The following KCNQ1 variants were observed in gnomAD, a reference collection of about 807,000 sequenced individuals.
KCNQ1 encodes potassium voltage-gated channel subfamily Q member 1.
A neutral mutation model predicts 72.4 loss-of-function variants in KCNQ1; 49 were observed. The ratio of observed to expected loss-of-function variants is 0.68; its 90% CI spans 0.54 to 0.86. The LOEUF is 0.86. Ranked by LOEUF, KCNQ1 falls within the 40% of genes least tolerant of loss-of-function variation. The pLI, the probability that KCNQ1 is intolerant of heterozygous loss-of-function variation, is 0.00. For missense variants in KCNQ1, 790 were observed against 945.1 expected, an observed-to-expected ratio of 0.84 and a Z score of 2.15; for synonymous variants, 450 against 412.6, an observed-to-expected ratio of 1.09 and a Z score of -1.10.
At chr11:2,697,740 T>C (rs1327235562) in intron 11 of KCNQ1, 4 of 398,486 alleles carry the variant, frequency 1.0e-5, no homozygotes, top group Non-Finnish European at 1.8e-5. Context: ...AGAATTGTTG[T>C]TTAATACATA....
At position 2,647,045 on chromosome 11, in the gene KCNQ1, G is replaced by C. The variant is rs763116966; in HGVS notation, c.1394-14916G>C. 2.5e-6 allele frequency: 1 copy of C among 398,528 alleles called. No individual in the cohort carries two copies. The highest frequency in any genetic ancestry group is 4.4e-6 in the Non-Finnish European group (1 of 226,044). 24.7% of individuals were successfully genotyped at this position (398,528 alleles called of 1,614,324 possible). A position where few individuals can be genotyped will look rare whatever the true frequency, so the allele number is the denominator to read the frequency against. ...CTGCTGAATAAGAATAGTGAAAGTG[G>C]GCATCCTTGTCTTGTTCTAGTTCTA... is the stretch of plus-strand genomic sequence containing the variant. On this transcript the variant is annotated intron_variant, in intron 10 of 15. Coordinates refer to ENST00000155840, the MANE Select transcript of KCNQ1 (RefSeq NM_000218.3). This position sits in a 1 kb window ranked among gnomAD's most constrained non-coding sequence, Gnocchi z 4.0.
intron 2 of KCNQ1, among the ~76,000 whole-genome samples, chr11:2,535,181 T>G (rs1275565510): frequency 1.3e-5 from 2 of 152,218 alleles, no homozygotes; most frequent in African/African-American, 2.4e-5. Context: ...CGGAGCCTGT[T>G]CAGGGTGAAA....
rs192516294 is a variant in KCNQ1, at chr11:2,588,043, C to T, written c.1251+351C>T. 5.4e-4 allele frequency among the ~76,000 whole-genome samples: 81 copies of T among 151,170 alleles called. No individual in the cohort carries two copies. Among genetic ancestry groups the T allele is most frequent in the Non-Finnish European group, 9.7e-4 (66 of 67,804 alleles). ...GGGTGGTGAGCAGTGGGCAGGGGGC[C>T]GCGCGCAGTGGGTGGTGGGAGGGGA... is the stretch of plus-strand genomic sequence containing the variant. On this transcript the variant is annotated intron_variant, in intron 9 of 15. Coordinates refer to ENST00000155840, the MANE Select transcript of KCNQ1 (RefSeq NM_000218.3). The surrounding 1 kb of genome is among the most constrained non-coding windows in gnomAD (Gnocchi z 5.6).
intron 11 of KCNQ1, chr11:2,667,696 T>C: frequency 2.5e-6 from 1 of 398,744 alleles, no homozygotes; most frequent in Admixed American, 4.4e-5. Flanking sequence ...GGAGGTGACC[T>C]AGTCAGGAAG....
At chr11:2,461,648 C>T in intron 1 of KCNQ1, 1 of 1,366,484 alleles carries the variant, frequency 7.3e-7, no homozygotes, top group Non-Finnish European at 9.8e-7. Flanking sequence ...GAATTTGAGG[C>T]CTGTGGCTGC....
chr11:2,529,384 T>C lies in KCNQ1; in HGVS notation c.477+1366T>C, dbSNP rs546292894. Among the ~76,000 whole-genome samples, 3 of 152,042 alleles carry C rather than the reference T, an allele frequency of 2.0e-5. No homozygotes were observed. The East Asian group carries it at 5.8e-4, about 29-fold the overall frequency. ...TTCCCAGTGAACGTTGCCATCACCT[T>C]ATCCAGCCCCGGGAAGAAACTCGAA... On this transcript the variant is annotated intron_variant, in intron 2 of 15. Transcript: ENST00000155840.
In KCNQ1 at chr11:2,671,516, AT is replaced by A. The variant is rs1850183413; in HGVS notation, c.1514+9440del. The A allele has an allele frequency of 2.5e-6, 1 of 398,528 alleles. No homozygotes were observed. Among genetic ancestry groups the A allele is most frequent in the Non-Finnish European group, 4.4e-6 (1 of 226,056 alleles). The allele number at this position is 398,528 out of a possible 1,614,324, so 24.7% of individuals were successfully genotyped here. A position where few individuals can be genotyped will look rare whatever the true frequency, so the allele number is the denominator to read the frequency against. On this transcript the variant is annotated intron_variant, in intron 11 of 15. Transcript: ENST00000155840. This position sits in a 1 kb window ranked among gnomAD's most constrained non-coding sequence, Gnocchi z 4.7. ...ATTATTTTTAGGGCCAATTCAAGGGATTTTTCAAAGGTTAATTTTGACTCTG... is the reference window on the plus strand; with the variant it reads ...ATTATTTTTAGGGCCAATTCAAGGGATTTTCAAAGGTTAATTTTGACTCTG...
At chr11:2,637,906 T>C (rs914117687) in intron 10 of KCNQ1, 2 of 152,248 alleles carry the variant, frequency 1.3e-5, no homozygotes, top group African/African-American at 4.8e-5. Context: ...TTAGCTCTTC[T>C]TGTTGAATTG....
At chr11:2,847,700 C>T (rs1848359010) in intron 15 of KCNQ1, 67 bp from the exon 16 acceptor site, 2 of 1,453,296 alleles carry the variant, frequency 1.4e-6, no homozygotes, top group East Asian at 2.4e-5. Context: ...AAACCTGGGC[C>T]CTGAGGCTGT....
chr11:2,847,862 C>A lies in KCNQ1; in HGVS notation c.1890C>A (p.Pro630=). 2 of 1,577,280 alleles carry A rather than the reference C, an allele frequency of 1.3e-6. No homozygotes were observed. Among genetic ancestry groups the A allele is most frequent in the Non-Finnish European group, 1.7e-6 (2 of 1,161,528 alleles). Residue 630 remains proline, a synonymous_variant, in exon 16 of 16, where the codon CCC becomes CCA. Transcript: ENST00000155840. ...HGGSTPGSGG[P]PREGGAHITQ... ...GCAGCACCCCCGGCAGCGGCGGCCC[C>A]CCCAGAGAGGGCGGGGCCCACATCA...
At position 2,674,909 on chromosome 11, in the gene KCNQ1, C is replaced by A. The variant is rs1850265950; in HGVS notation, c.1514+12828C>A. The A allele has an allele frequency of 2.5e-6, 1 of 394,730 alleles. No homozygotes were observed. Among genetic ancestry groups the A allele is most frequent in the African/African-American group, 2.1e-5 (1 of 47,736 alleles). The allele number at this position is 394,730 out of a possible 1,614,324, so 24.5% of individuals were successfully genotyped here. A position where few individuals can be genotyped will look rare whatever the true frequency, so the allele number is the denominator to read the frequency against. On this transcript the variant is annotated intron_variant, in intron 11 of 15. Transcript: ENST00000155840. This position sits in a 1 kb window ranked among gnomAD's most constrained non-coding sequence, Gnocchi z 5.9. ...GGGTCTGAAAAGTCCTTTGTGTTAG[C>A]TCCAGCTGCAGAGTTTTTCCAGGCC...
At chr11:2,847,722 G>A (rs1230584632) in intron 15 of KCNQ1, 45 bp from the exon 16 acceptor site, 4 of 1,537,902 alleles carry the variant, frequency 2.6e-6, no homozygotes, top group Non-Finnish European at 3.5e-6. Flanking sequence ...TGCACACCTG[G>A]GTGCTTCCCA....
chr11:2,634,131 T>C (rs1849410423), intron 10 of KCNQ1: 1 of 316,686 alleles, frequency 3.2e-6, no homozygotes, highest in Non-Finnish European at 5.2e-6. Context: ...AGATTGTCTT[T>C]GGTATTTTTT....
intron 15 of KCNQ1, among the ~76,000 whole-genome samples, chr11:2,820,629 C>T (rs2134053590): frequency 6.6e-6 from 1 of 152,326 alleles, no homozygotes; most frequent in East Asian, 1.9e-4. Flanking sequence ...TTCTGAGAGA[C>T]AGGCACTAGG....
chr11:2,488,094 C>T lies in KCNQ1; in HGVS notation c.387-39834C>T, dbSNP rs1427332905. 6.6e-6 allele frequency among the ~76,000 whole-genome samples: 1 copy of T among 152,066 alleles called. No individual in the cohort carries two copies. Among genetic ancestry groups the T allele is most frequent in the African/African-American group, 2.4e-5 (1 of 41,412 alleles). On this transcript the variant is annotated intron_variant, in intron 1 of 15. Transcript: ENST00000155840. The surrounding 1 kb of genome is among the most constrained non-coding windows in gnomAD (Gnocchi z 5.1). The stretch of plus-strand genomic sequence containing the variant: ...TAAGGATGTTGAATTTTGTCAAATG[C>T]TTTTTGTATCAATTGAGATCATGTG...
chr11:2,586,711 T>C (rs1178477270), intron 8 of KCNQ1, among the ~76,000 whole-genome samples: 19 of 152,080 alleles, frequency 1.2e-4, no homozygotes, highest in Admixed American at 1.2e-3. Context: ...TGTCCCTGGG[T>C]GCTGGATGGG....
At chr11:2,467,983 G>A (rs1254347372) in intron 1 of KCNQ1, among the ~76,000 whole-genome samples, 1 of 152,332 alleles carries the variant, frequency 6.6e-6, no homozygotes, top group Non-Finnish European at 1.5e-5. Context: ...TGGCCCTGTG[G>A]GTGCAGGCCA....
intron 1 of KCNQ1, among the ~76,000 whole-genome samples, chr11:2,522,865 G>A (rs1171314665): frequency 6.6e-6 from 1 of 152,136 alleles, no homozygotes; most frequent in Admixed American, 6.5e-5. Context: ...AGGTAGTTGG[G>A]GTGGACGCCC....
chr11:2,454,610 C>T (rs1846159934), intron 1 of KCNQ1, among the ~76,000 whole-genome samples: 1 of 152,150 alleles, frequency 6.6e-6, no homozygotes, highest in Non-Finnish European at 1.5e-5. Context: ...GTGTTGGTAT[C>T]ACCAAGAATG....
Sources: allele counts gnomAD v4.1 joint callset (sites outside exome capture counted in the v4.1 genomes callset), GRCh38; gene constraint gnomAD v4.1.1; non-coding constraint Gnocchi (gnomAD v3.1); transcripts MANE v1.5; gene names NCBI Gene and HGNC (gene_info 2026-07-23, HGNC 2026-07-21).